PRPF8: variants seen among roughly 807,000 people sequenced by gnomAD.
PRPF8 encodes pre-mRNA-processing-splicing factor 8.
PRPF8 carries 64 observed loss-of-function variants against 285.9 expected under a neutral mutation model. That is an observed-to-expected ratio of 0.22 (90% confidence interval 0.18 to 0.28). The LOEUF is 0.28. Among genes scored for constraint, PRPF8 ranks in the 10% least tolerant of loss-of-function variants. The probability of loss-of-function intolerance (pLI) is 1.00; values close to 1 mark genes in which losing one functional copy is unlikely to be tolerated. For missense variants in PRPF8, 1,426 were observed against 3,026.7 expected (o/e 0.47, Z 12.41); for synonymous variants, 1,325 against 1,118.2 (o/e 1.18, Z -3.69).
chr17:1,671,850 CAAAAAAAAA>C (rs1225346730), intron 24 of PRPF8, among the ~76,000 whole-genome samples: 2 of 49,810 alleles, frequency 4.0e-5, no homozygotes, highest in African/African-American at 7.4e-5. Context: ...GACTCCATCT[CAAAAAAAAA>C]AAAAAAAAAA....
chr17:1,680,614 A>G, intron 8 of PRPF8, 112 bp downstream of exon 8: 2 of 977,372 alleles, frequency 2.0e-6, no homozygotes, highest in South Asian at 1.3e-5. Flanking sequence ...CAAGGGGAAC[A>G]CTTAGCAAGA....
chr17:1,675,040 TG>T lies in PRPF8; in HGVS notation c.3060+111del, dbSNP rs1912541182. On this transcript the variant is annotated intron_variant, in intron 20 of 42. Coordinates refer to ENST00000304992, the MANE Select transcript of PRPF8 (RefSeq NM_006445.4). This position sits in a 1 kb window ranked among gnomAD's most constrained non-coding sequence, Gnocchi z 6.0. ...TGCCCGCCTCAGCCTCCCAAAGTGC[TG>T]GGATTACAGGCATGAGCCACCGCAC... 7.7e-7 allele frequency: 1 copy of T among 1,303,330 alleles called. No homozygotes were observed. The highest frequency in any genetic ancestry group is 1.1e-6 in the Non-Finnish European group (1 of 917,814). The allele number at this position is 1,303,330 out of a possible 1,614,324, so 80.7% of individuals were successfully genotyped here.
chr17:1,683,486 G>A (rs1404632507), intron 3 of PRPF8, 47 bp downstream of exon 3: 3 of 1,606,336 alleles, frequency 1.9e-6, no homozygotes, highest in South Asian at 1.1e-5. Context: ...CAGGGAGAAG[G>A]GAAAAGGGCC....
chr17:1,673,937 T>C lies in PRPF8; in HGVS notation c.3300-45A>G. 1 of 1,605,348 alleles carries C rather than the reference T, an allele frequency of 6.2e-7. No homozygotes were observed. Among genetic ancestry groups the C allele is most frequent in the Non-Finnish European group, 8.5e-7 (1 of 1,179,546 alleles). ...CTGCTGAGGCCCCAGTACACTGAGA[T>C]TTGGGACACCCACAAGTCCTCCAGC... On this transcript the variant is annotated intron_variant, in intron 21 of 42. Coordinates refer to ENST00000304992, the MANE Select transcript of PRPF8 (RefSeq NM_006445.4). This position sits in a 1 kb window ranked among gnomAD's most constrained non-coding sequence, Gnocchi z 5.5.
rs571659754 is a variant in PRPF8, at chr17:1,678,977, C to T, written c.1599+40G>A. 3 of 1,613,780 alleles carry T rather than the reference C, an allele frequency of 1.9e-6. No individual in the cohort carries two copies. In the Admixed American group the frequency reaches 5.0e-5, roughly 27 times the overall value. ...TAACCAGAGGAAAACAACTGTCCGT[C>T]CTTGAAGCCCAGGAGGCCCCTAGGG... On this transcript the variant is annotated intron_variant, in intron 11 of 42. Transcript: ENST00000304992.
chr17:1,682,801 G>T (rs767489593), intron 3 of PRPF8, among the ~76,000 whole-genome samples: 1 of 152,096 alleles, frequency 6.6e-6, no homozygotes, highest in Admixed American at 6.6e-5. Context: ...TGTCCAAATA[G>T]AACAGGAATC....
intron 24 of PRPF8, among the ~76,000 whole-genome samples, chr17:1,667,744 A>G (rs1019227494): frequency 6.6e-6 from 1 of 152,106 alleles, no homozygotes; most frequent in Non-Finnish European, 1.5e-5. Flanking sequence ...GGGTTTCACC[A>G]TATTGGCCAG....
chr17:1,681,717 C>T, intron 5 of PRPF8, 27 bp from the exon 6 acceptor site: 1 of 1,612,448 alleles, frequency 6.2e-7, no homozygotes, highest in Non-Finnish European at 8.5e-7. Context: ...AGGCCCACCT[C>T]AAGTAAGCAG....
Position 1,662,109 on chromosome 17 carries a change from G to A in PRPF8, c.3819C>T (p.Tyr1273=), listed in dbSNP as rs772454729. The change falls in exon 25 of 43, where the codon TAC becomes TAT. Residue 1273 remains tyrosine (Y), a synonymous_variant. Coordinates refer to ENST00000304992, the MANE Select transcript of PRPF8 (RefSeq NM_006445.4). The part of the protein sequence containing the change: ...WNTALIGLMT[Y]FREAVVNTQE... ...GGGTGTTCACCACAGCCTCCCGAAA[G>A]TATGTCATAAGGCCAATGAGAGCTG... The A allele has an allele frequency of 1.2e-6, 2 of 1,614,106 alleles. No individual in the cohort carries two copies. The highest frequency in any genetic ancestry group is 1.7e-6 in the Non-Finnish European group (2 of 1,180,018).
At position 1,660,764 on chromosome 17, in the gene PRPF8, T is replaced by C. The variant is rs1911640768; in HGVS notation, c.4572A>G (p.Ser1524=). Residue 1524 remains serine, a synonymous_variant, in exon 29 of 43, where the codon TCA becomes TCG. Transcript: ENST00000304992. The part of the protein sequence containing the change: ...KWKKLTNAQR[S]GLNQIPNRRF... ...TACGATTGGGAATCTGGTTCAGTCC[T>C]GATCGCTGAGCATTAGTTAGCTTCT... The C allele has an allele frequency of 6.2e-7, 1 of 1,613,992 alleles. No individual in the cohort carries two copies. Among genetic ancestry groups the C allele is most frequent in the Non-Finnish European group, 8.5e-7 (1 of 1,180,042 alleles).
intron 24 of PRPF8, among the ~76,000 whole-genome samples, chr17:1,663,042 G>A (rs2151117532): frequency 6.6e-6 from 1 of 151,990 alleles, no homozygotes; most frequent in South Asian, 2.1e-4. Context: ...CAATTAAAAT[G>A]TTATGACAAA....
Position 1,676,666 on chromosome 17 carries a change from C to A in PRPF8, c.2227G>T (p.Val743Leu). 1 of 1,614,164 alleles carries A rather than the reference C, an allele frequency of 6.2e-7. No homozygotes were observed. Among genetic ancestry groups the A allele is most frequent in the Non-Finnish European group, 8.5e-7 (1 of 1,180,024 alleles). ...TPIENMILRY[V>L]KAKADWWTNT... Reference sequence around the variant, plus strand: ...GTCCACCAGTCAGCCTTGGCCTTCACGTATCGAAGGATCATATTCTCTATG... The same window carrying A: ...GTCCACCAGTCAGCCTTGGCCTTCAAGTATCGAAGGATCATATTCTCTATG... Residue 743 changes from valine to leucine, a missense_variant, in exon 16 of 43, where the codon GTG (valine) becomes TTG (leucine). This residue lies in a region of PRPF8 where 30 missense variants were observed against 61.0 expected (regional missense o/e 0.49). Coordinates refer to ENST00000304992, the MANE Select transcript of PRPF8 (RefSeq NM_006445.4). The surrounding 1 kb of genome is among the most constrained non-coding windows in gnomAD (Gnocchi z 6.3).
intron 24 of PRPF8, among the ~76,000 whole-genome samples, chr17:1,666,575 AAG>A (rs1350166927): frequency 6.6e-6 from 1 of 152,132 alleles, no homozygotes; most frequent in Non-Finnish European, 1.5e-5. Context: ...TGCAACAAAA[AAG>A]AGAAAAACGA....
intron 24 of PRPF8, among the ~76,000 whole-genome samples, chr17:1,670,945 A>AAAAG (rs111917300): frequency 0.027 from 4,135 of 151,156 alleles, 71 homozygotes; most frequent in Middle Eastern, 0.041. Context: ...CAAAAAAAAA[A>AAAAG]AAGAAGAAAA....
intron 8 of PRPF8, chr17:1,680,399 T>C: frequency 2.3e-6 from 1 of 434,348 alleles, no homozygotes; most frequent in Non-Finnish European, 4.2e-6. Flanking sequence ...AATTACACAC[T>C]TTAAATGGAT....
Position 1,682,108 on chromosome 17 carries a change from CCAT to C in PRPF8, c.434+18_434+20del, listed in dbSNP as rs755705608. 30 of 1,613,768 alleles carry C rather than the reference CCAT, an allele frequency of 1.9e-5. No individual in the cohort carries two copies. The Admixed American group carries it at 4.7e-4, about 25-fold the overall frequency. ...CAACCACCACCACCACCACCACCCACCATATTTCAGCCTTTCTCACCCCCACTG... is the reference window on the plus strand; with the variant it reads ...CAACCACCACCACCACCACCACCCACATTTCAGCCTTTCTCACCCCCACTG... On this transcript the variant is annotated intron_variant, in intron 4 of 42. Coordinates refer to ENST00000304992, the MANE Select transcript of PRPF8 (RefSeq NM_006445.4).
Position 1,673,640 on chromosome 17 carries a change from C to G in PRPF8, c.3447-73G>C, listed in dbSNP as rs1329280998. On this transcript the variant is annotated intron_variant, in intron 22 of 42. Transcript: ENST00000304992. The surrounding 1 kb of genome is among the most constrained non-coding windows in gnomAD (Gnocchi z 5.5). ...CCCTTCAAAGGCCAACTGATGACATCCTGACACAGCCACGCCTCTCCCACC... is the reference window on the plus strand; with the variant it reads ...CCCTTCAAAGGCCAACTGATGACATGCTGACACAGCCACGCCTCTCCCACC... 6.2e-7 allele frequency: 1 copy of G among 1,611,686 alleles called. No individual in the cohort carries two copies. The highest frequency in any genetic ancestry group is 8.5e-7 in the Non-Finnish European group (1 of 1,179,140).
At position 1,659,162 on chromosome 17, in the gene PRPF8, A is replaced by G; in HGVS notation, c.5138+195T>C. 1 of 691,434 alleles carries G rather than the reference A, an allele frequency of 1.4e-6. No individual in the cohort carries two copies. 42.8% of individuals were successfully genotyped at this position (691,434 alleles called of 1,614,324 possible). ...CACCTCAACCTTCTGAGTAGCTGGGACTACAGGCGTGGACCACCACGCCCA... is the reference window on the plus strand; with the variant it reads ...CACCTCAACCTTCTGAGTAGCTGGGGCTACAGGCGTGGACCACCACGCCCA... On this transcript the variant is annotated intron_variant, in intron 32 of 42. Coordinates refer to ENST00000304992, the MANE Select transcript of PRPF8 (RefSeq NM_006445.4). The surrounding 1 kb of genome is among the most constrained non-coding windows in gnomAD (Gnocchi z 5.1).
At chr17:1,671,020 C>G (rs188201628) in intron 24 of PRPF8, among the ~76,000 whole-genome samples, 5 of 152,230 alleles carry the variant, frequency 3.3e-5, no homozygotes, top group Non-Finnish European at 7.3e-5. Flanking sequence ...GTGTGCGATG[C>G]CCTCCATGAT....
Sources: gnomAD v4.1 joint callset for allele counts (sites outside exome capture counted in the v4.1 genomes callset) on GRCh38, gnomAD v4.1.1 for gene constraint, gnomAD v4.1.1 regional missense constraint, Gnocchi (gnomAD v3.1) non-coding constraint, MANE v1.5 for transcripts, NCBI Gene and HGNC (gene_info 2026-07-23, HGNC 2026-07-21) for gene names.